The following SMYD3 variants were observed in gnomAD, a reference collection of about 807,000 sequenced individuals.
SMYD3 encodes histone-lysine N-methyltransferase SMYD3.
In SMYD3, 36 loss-of-function variants were observed where a neutral mutation model predicts 57.7. The observed-to-expected ratio is 0.62, with a 90% CI of 0.48 to 0.82. The LOEUF (loss-of-function observed/expected upper bound fraction) is 0.82. SMYD3 is among the 40% of genes least tolerant of loss of function. SMYD3 has a pLI of 0.00. For synonymous variants in SMYD3, 211 were observed against 195.0 expected, an observed-to-expected ratio of 1.08 and a Z score of -0.68; for missense variants, 515 against 538.8, an observed-to-expected ratio of 0.96 and a Z score of 0.44.
At chr1:246,033,037 T>C (rs2059706046) in intron 5 of SMYD3, among the ~76,000 whole-genome samples, 1 of 152,178 alleles carries the variant, frequency 6.6e-6, no homozygotes. Flanking sequence ...AACCGAGCAA[T>C]TTGCATTCCT....
At chr1:245,958,297 C>T (rs1288124616) in intron 5 of SMYD3, among the ~76,000 whole-genome samples, 1 of 152,198 alleles carries the variant, frequency 6.6e-6, no homozygotes, top group African/African-American at 2.4e-5. Context: ...ACAATACAAT[C>T]ATACACGATG....
chr1:246,274,823 A>C (rs2064298376), intron 5 of SMYD3, among the ~76,000 whole-genome samples: 1 of 152,106 alleles, frequency 6.6e-6, no homozygotes, highest in African/African-American at 2.4e-5. Flanking sequence ...AGTTTTTCAA[A>C]TAATGCCCTA....
chr1:245,856,969 A>C (rs755089416), intron 10 of SMYD3, among the ~76,000 whole-genome samples: 4 of 152,210 alleles, frequency 2.6e-5, no homozygotes, highest in Non-Finnish European at 4.4e-5. Context: ...TCTTTTTGCA[A>C]CACTAAGGCT....
chr1:246,486,549 C>T (rs2068190785), intron 1 of SMYD3, among the ~76,000 whole-genome samples: 2 of 152,126 alleles, frequency 1.3e-5, no homozygotes, highest in African/African-American at 4.8e-5. Flanking sequence ...GTCATTTGCT[C>T]TTCACTAAAA....
chr1:246,256,562 ACTT>A (rs78281710), intron 5 of SMYD3, among the ~76,000 whole-genome samples: 31,481 of 151,882 alleles, frequency 0.21, 3,940 homozygotes, highest in East Asian at 0.57. Flanking sequence ...GCTTATTTGA[ACTT>A]CTTTTTTGTT....
intron 1 of SMYD3, among the ~76,000 whole-genome samples, chr1:246,365,093 C>A (rs1373508915): frequency 6.6e-6 from 1 of 152,050 alleles, no homozygotes; most frequent in Non-Finnish European, 1.5e-5. Flanking sequence ...TACAAAGTAA[C>A]CAATATACCC....
At chr1:245,902,357 C>T (rs936165052) in intron 8 of SMYD3, among the ~76,000 whole-genome samples, 1 of 152,218 alleles carries the variant, frequency 6.6e-6, no homozygotes, top group African/African-American at 2.4e-5. Context: ...AAGGACAAGG[C>T]CACCACACAC....
chr1:245,938,140 T>C (rs1286600417), intron 5 of SMYD3, among the ~76,000 whole-genome samples: 1 of 152,256 alleles, frequency 6.6e-6, no homozygotes, highest in Non-Finnish European at 1.5e-5. Context: ...GGTGAACTTT[T>C]GGCAGGCAAG....
At chr1:246,152,321 C>T (rs2061953489) in intron 5 of SMYD3, among the ~76,000 whole-genome samples, 1 of 152,164 alleles carries the variant, frequency 6.6e-6, no homozygotes, top group Non-Finnish European at 1.5e-5. Flanking sequence ...GTGTAGTCCA[C>T]AGATCAGCCA....
chr1:245,795,264 T>C (rs1317828906), intron 10 of SMYD3, among the ~76,000 whole-genome samples: 2 of 152,230 alleles, frequency 1.3e-5, no homozygotes, highest in African/African-American at 4.8e-5. Context: ...TATACCTCCA[T>C]AGACTCACAA....
At chr1:246,217,562 G>C (rs1192019793) in intron 5 of SMYD3, among the ~76,000 whole-genome samples, 1 of 152,016 alleles carries the variant, frequency 6.6e-6, no homozygotes, top group East Asian at 1.9e-4. Flanking sequence ...ACAAAGATCA[G>C]TGAACAAGAC....
intron 1 of SMYD3, among the ~76,000 whole-genome samples, chr1:246,505,030 C>G (rs1487014558): frequency 6.6e-6 from 1 of 152,188 alleles, no homozygotes; most frequent in Non-Finnish European, 1.5e-5. Flanking sequence ...AGAGCAACTA[C>G]TACCACAACA....
intron 10 of SMYD3, among the ~76,000 whole-genome samples, chr1:245,857,811 C>T (rs2051328313): frequency 1.3e-5 from 2 of 152,130 alleles, no homozygotes; most frequent in Admixed American, 6.5e-5. Flanking sequence ...CATCCACCAG[C>T]GCCTAACTCT....
At chr1:245,928,475 C>T (rs6662489) in intron 6 of SMYD3, among the ~76,000 whole-genome samples, 110,828 of 151,616 alleles carry the variant, frequency 0.73, 44,005 homozygotes, top group Non-Finnish European at 0.89. Flanking sequence ...AGTTTGAGAC[C>T]AGCCTGATCA....
intron 5 of SMYD3, among the ~76,000 whole-genome samples, chr1:246,050,194 A>T (rs985327930): frequency 2.6e-5 from 4 of 152,228 alleles, no homozygotes. Context: ...TTCTTTCTCT[A>T]ATTAAGAGGA....
At chr1:246,329,547 T>C (rs1283089516) in intron 4 of SMYD3, among the ~76,000 whole-genome samples, 1 of 152,178 alleles carries the variant, frequency 6.6e-6, no homozygotes, top group Non-Finnish European at 1.5e-5. Context: ...TGTTTGTTTT[T>C]TTCTTGTTAA....
intron 1 of SMYD3, among the ~76,000 whole-genome samples, chr1:246,460,592 T>C (rs2067783628): frequency 6.6e-6 from 1 of 152,212 alleles, no homozygotes; most frequent in Admixed American, 6.5e-5. Flanking sequence ...AAAATACCAG[T>C]AGGCCCCTAT....
intron 1 of SMYD3, among the ~76,000 whole-genome samples, chr1:246,430,344 G>A (rs1277202666): frequency 6.6e-6 from 1 of 152,242 alleles, no homozygotes; most frequent in Non-Finnish European, 1.5e-5. Flanking sequence ...TGTAAGAAAT[G>A]AGGATCTATT....
chr1:246,113,184 AAAATAAATAAAT>A (rs61169442), intron 5 of SMYD3, among the ~76,000 whole-genome samples: 171 of 145,522 alleles, frequency 1.2e-3, no homozygotes, highest in East Asian at 8.3e-3. Context: ...TCTGTCTCAA[AAAATAAATAAAT>A]AAATAAATAA....
Sources: gnomAD v4.1 joint callset for allele counts (sites outside exome capture counted in the v4.1 genomes callset) on GRCh38, gnomAD v4.1.1 for gene constraint, MANE v1.5 for transcripts, NCBI Gene and HGNC (gene_info 2026-07-23, HGNC 2026-07-21) for gene names.